ATG5: variants seen among roughly 807,000 people sequenced by gnomAD.
ATG5 encodes the protein autophagy protein 5.
ATG5 carries 14 observed loss-of-function variants against 36.5 expected under a neutral mutation model. The observed-to-expected ratio is 0.38, with a 90% confidence interval of 0.25 to 0.60. ATG5 has a LOEUF of 0.60. Among genes scored for constraint, ATG5 ranks in the 20% least tolerant of loss-of-function variants. The pLI is 0.60. For synonymous variants in ATG5, 95 were observed against 101.5 expected, an observed-to-expected ratio of 0.94 and a Z score of 0.38; for missense variants, 195 against 326.7, an observed-to-expected ratio of 0.60 and a Z score of 3.11.
At chr6:106,260,971 T>G (rs993717284) in intron 5 of ATG5, among the ~76,000 whole-genome samples, 3 of 152,206 alleles carry the variant, frequency 2.0e-5, no homozygotes, top group Admixed American at 6.5e-5. Context: ...TAAAAGCATG[T>G]GACACCTGGA....
intron 6 of ATG5, among the ~76,000 whole-genome samples, chr6:106,211,046 T>TA (rs1562213619): frequency 6.6e-6 from 1 of 152,240 alleles, no homozygotes; most frequent in Admixed American, 6.5e-5. Context: ...TGGTCATACA[T>TA]ATTGTTTTAC....
At chr6:106,317,145 A>C (rs1382390144) in intron 1 of ATG5, among the ~76,000 whole-genome samples, 1 of 152,210 alleles carries the variant, frequency 6.6e-6, no homozygotes, top group Non-Finnish European at 1.5e-5. Context: ...AATATTCTGC[A>C]ACTGAATAAC....
chr6:106,301,203 C>T (rs676099), intron 3 of ATG5, among the ~76,000 whole-genome samples: 12,824 of 152,078 alleles, frequency 0.084, 565 homozygotes, highest in South Asian at 0.13. Context: ...CCAGCACTTT[C>T]CATTTCCCAT....
intron 7 of ATG5, among the ~76,000 whole-genome samples, chr6:106,199,804 T>C (rs1187236344): frequency 6.6e-6 from 1 of 152,246 alleles, no homozygotes; most frequent in Non-Finnish European, 1.5e-5. Flanking sequence ...ATATGTTTCA[T>C]GGTAATGATA....
chr6:106,217,395 A>C (rs1777081417), intron 6 of ATG5: 1 of 152,232 alleles, frequency 6.6e-6, no homozygotes, highest in African/African-American at 2.4e-5. Flanking sequence ...CATTATAAGG[A>C]GTAATATGAA....
At chr6:106,316,606 T>C (rs1362565083) in intron 1 of ATG5, among the ~76,000 whole-genome samples, 1 of 152,164 alleles carries the variant, frequency 6.6e-6, no homozygotes, top group Non-Finnish European at 1.5e-5. Flanking sequence ...GCTTCACCTA[T>C]ACCCTGTGAA....
At chr6:106,316,715 T>C (rs1770865398) in intron 1 of ATG5, among the ~76,000 whole-genome samples, 1 of 152,210 alleles carries the variant, frequency 6.6e-6, no homozygotes, top group Admixed American at 6.5e-5. Flanking sequence ...CCTCTCTTCC[T>C]GCAAAACTAC....
At chr6:106,294,152 C>T (rs1430450205) in intron 3 of ATG5, among the ~76,000 whole-genome samples, 3 of 151,958 alleles carry the variant, frequency 2.0e-5, no homozygotes, top group Admixed American at 2.0e-4. Context: ...GGATGCTCAC[C>T]CTGTACTCAC....
intron 3 of ATG5, among the ~76,000 whole-genome samples, chr6:106,300,013 CA>C (rs1770140549): frequency 6.6e-6 from 1 of 152,174 alleles, no homozygotes; most frequent in African/African-American, 2.4e-5. Flanking sequence ...AGGACAAACA[CA>C]AACAACTATA....
intron 6 of ATG5, among the ~76,000 whole-genome samples, chr6:106,244,084 T>A (rs964869575): frequency 1.3e-5 from 2 of 151,818 alleles, no homozygotes; most frequent in Admixed American, 6.6e-5. Flanking sequence ...CCGGCTCATT[T>A]AAAAAAATTT....
chr6:106,296,784 C>CTCCA (rs911517254), intron 3 of ATG5, among the ~76,000 whole-genome samples: 1 of 152,160 alleles, frequency 6.6e-6, no homozygotes, highest in African/African-American at 2.4e-5. Context: ...CAACACTGCA[C>CTCCA]TCCAGCCTAG....
At chr6:106,293,686 C>T (rs1267867275) in intron 3 of ATG5, among the ~76,000 whole-genome samples, 1 of 152,100 alleles carries the variant, frequency 6.6e-6, no homozygotes, top group Non-Finnish European at 1.5e-5. Flanking sequence ...TTTCCCAAGC[C>T]ACTGAATATT....
At chr6:106,205,917 C>A (rs1355052346) in intron 6 of ATG5, among the ~76,000 whole-genome samples, 2 of 152,148 alleles carry the variant, frequency 1.3e-5, no homozygotes, top group Non-Finnish European at 2.9e-5. Flanking sequence ...AACCAAAAAT[C>A]TGATGAACAT....
chr6:106,205,403 G>GA (rs1776592035), intron 6 of ATG5, among the ~76,000 whole-genome samples: 2 of 152,192 alleles, frequency 1.3e-5, no homozygotes, highest in Admixed American at 6.5e-5. Flanking sequence ...TTGCTATAAT[G>GA]AAATTACCTG....
intron 3 of ATG5, among the ~76,000 whole-genome samples, chr6:106,296,569 G>C (rs542800800): frequency 1.0e-3 from 157 of 152,314 alleles, no homozygotes; most frequent in Non-Finnish European, 1.8e-3. Context: ...TGTAATCCCA[G>C]CACTTTGGGA....
chr6:106,319,822 T>C (rs1770996845), intron 1 of ATG5, among the ~76,000 whole-genome samples: 1 of 152,172 alleles, frequency 6.6e-6, no homozygotes, highest in African/African-American at 2.4e-5. Flanking sequence ...TGGAATTCAG[T>C]AGGTGCTCAA....
chr6:106,233,317 C>G lies in ATG5; in HGVS notation c.573+14833G>C, dbSNP rs138586783. 1.0e-3 allele frequency among the ~76,000 whole-genome samples: 152 copies of G among 152,282 alleles called. 3 individuals are homozygous for G. In the East Asian group the frequency reaches 0.024, roughly 24 times the overall value. ...TCTGCCAAATATGGATTCCCAGGTACGGCGAAATAGCCAGACCATTATATA... is the reference window on the plus strand; with the variant it reads ...TCTGCCAAATATGGATTCCCAGGTAGGGCGAAATAGCCAGACCATTATATA... On this transcript the variant is annotated intron_variant, in intron 6 of 7. Transcript: ENST00000369076.
chr6:106,288,506 T>C (rs934344291), intron 4 of ATG5, among the ~76,000 whole-genome samples: 16 of 152,230 alleles, frequency 1.1e-4, no homozygotes, highest in African/African-American at 3.1e-4. Flanking sequence ...TCCCAGAAAA[T>C]AGAAAATACA....
intron 6 of ATG5, among the ~76,000 whole-genome samples, chr6:106,228,440 T>C (rs542233556): frequency 2.3e-4 from 35 of 152,158 alleles, no homozygotes; most frequent in Admixed American, 1.1e-3. Context: ...AGCTGAACAC[T>C]AGTCACTGGG....
Sources: allele counts gnomAD v4.1 joint callset (sites outside exome capture counted in the v4.1 genomes callset), GRCh38; gene constraint gnomAD v4.1.1; transcripts MANE v1.5; gene names NCBI Gene and HGNC (gene_info 2026-07-23, HGNC 2026-07-21).